CNBD1: variants seen among roughly 807,000 people sequenced by gnomAD.
CNBD1 encodes the protein cyclic nucleotide binding domain containing 1, also known as cyclic nucleotide-binding domain-containing protein 1.
Under a neutral mutation model 54.4 loss-of-function variants are expected in CNBD1, and 71 were observed. The ratio of observed to expected loss-of-function variants is 1.30; its 90% confidence interval spans 1.08 to 1.59. The LOEUF is 1.59. Among genes scored for constraint, CNBD1 ranks in the 40% most tolerant of loss-of-function variants. The probability of loss-of-function intolerance (pLI) is 0.00; values close to 1 mark genes in which losing one functional copy is unlikely to be tolerated. For synonymous variants in CNBD1, 182 were observed against 170.7 expected, an observed-to-expected ratio of 1.07 and a Z score of -0.51; for missense variants, 659 against 518.0, an observed-to-expected ratio of 1.27 and a Z score of -2.64.
chr8:86,928,660 T>G (rs1051608807), intron 3 of CNBD1, among the ~76,000 whole-genome samples: 2 of 152,218 alleles, frequency 1.3e-5, no homozygotes, highest in Non-Finnish European at 2.9e-5. Flanking sequence ...CCCCTTGACT[T>G]AGGCATATGG....
chr8:87,055,627 G>A (rs1810397856), intron 4 of CNBD1, among the ~76,000 whole-genome samples: 3 of 152,186 alleles, frequency 2.0e-5, no homozygotes, highest in Admixed American at 2.0e-4. Context: ...ATTTTTGCCT[G>A]TAGCTGTGAT....
Position 87,425,595 on chromosome 8 carries a change from G to C in CNBD1, c.214-2951G>C, listed in dbSNP as rs1373854348. On this transcript the variant is annotated intron_variant, in intron 2 of 7. Coordinates refer to the CNBD1 transcript ENST00000521593. The stretch of plus-strand genomic sequence containing the variant: ...ACCCTGCAGTGTGAGGTGTCAGTGT[G>C]CCCCTGCTGGAGGGTGCCTCCCAGT... Among the ~76,000 whole-genome samples the C allele has an allele frequency of 2.6e-5, 4 of 152,074 alleles. No homozygotes were observed. In the East Asian group the frequency reaches 7.7e-4, roughly 29 times the overall value.
chr8:87,362,107 CT>C (rs767854080), intron 10 of CNBD1, among the ~76,000 whole-genome samples: 1 of 152,030 alleles, frequency 6.6e-6, no homozygotes, highest in Non-Finnish European at 1.5e-5. Flanking sequence ...CAATGACACT[CT>C]TTAGGTTACT....
chr8:87,273,632 C>T (rs1484833969), intron 6 of CNBD1, among the ~76,000 whole-genome samples: 1 of 151,950 alleles, frequency 6.6e-6, no homozygotes, highest in Non-Finnish European at 1.5e-5. Context: ...CTTGTTTTCT[C>T]TAAGTTCTCC....
chr8:87,237,733 A>G (rs1256085567), intron 6 of CNBD1, among the ~76,000 whole-genome samples: 2 of 152,174 alleles, frequency 1.3e-5, no homozygotes, highest in Non-Finnish European at 2.9e-5. Flanking sequence ...CAAGATGTTC[A>G]GAGTAGAAAA....
At chr8:87,419,451 A>G (rs546368445) in intron 2 of CNBD1, among the ~76,000 whole-genome samples, 2 of 151,914 alleles carry the variant, frequency 1.3e-5, no homozygotes, top group South Asian at 4.1e-4. Flanking sequence ...TTGTGTGTAT[A>G]TCTTAATAAA....
chr8:86,966,786 G>A (rs1313427570), intron 4 of CNBD1, among the ~76,000 whole-genome samples: 1 of 152,186 alleles, frequency 6.6e-6, no homozygotes, highest in African/African-American at 2.4e-5. Flanking sequence ...AGAGTGAGCA[G>A]CAGCAAGAGT....
chr8:86,970,080 T>C (rs1185411724), intron 4 of CNBD1, among the ~76,000 whole-genome samples: 1 of 152,140 alleles, frequency 6.6e-6, no homozygotes, highest in African/African-American at 2.4e-5. Context: ...AATTCTAGTT[T>C]GGCAGTCATT....
At position 87,217,170 on chromosome 8, in the gene CNBD1, T is replaced by G. The variant is rs556531079; in HGVS notation, c.577+11032T>G. On this transcript the variant is annotated intron_variant, in intron 5 of 10. Transcript: ENST00000518476. ...GATGATTTTTAATGGCAAAGGAAAA[T>G]AATAAATATGTGTTTATTTTAAAAC... Among the ~76,000 whole-genome samples the G allele has an allele frequency of 1.2e-4, 18 of 152,202 alleles. No homozygotes were observed. The South Asian group carries it at 2.7e-3, about 23-fold the overall frequency.
In CNBD1 at chr8:86,871,478, G is replaced by A. The variant is rs573686273; in HGVS notation, c.88+4895G>A. Among the ~76,000 whole-genome samples, 4 of 152,244 alleles carry A rather than the reference G, an allele frequency of 2.6e-5. No individual in the cohort carries two copies. The South Asian group carries it at 8.3e-4, about 31-fold the overall frequency. On this transcript the variant is annotated intron_variant, in intron 1 of 10. Transcript: ENST00000518476. Reference sequence around the variant, plus strand: ...TAACTCTACACTCAAAAGCTGTCAGGGTCCTACTCTCCTTTAAAACTTACA... The same window carrying A: ...TAACTCTACACTCAAAAGCTGTCAGAGTCCTACTCTCCTTTAAAACTTACA...
intron 4 of CNBD1, among the ~76,000 whole-genome samples, chr8:87,077,154 A>C (rs1016716651): frequency 2.0e-5 from 3 of 152,168 alleles, no homozygotes; most frequent in African/African-American, 7.2e-5. Context: ...GACCTGGCTT[A>C]AAAAGGATCT....
intron 8 of CNBD1, among the ~76,000 whole-genome samples, chr8:87,332,548 A>G (rs1809858031): frequency 6.6e-6 from 1 of 151,996 alleles, no homozygotes; most frequent in African/African-American, 2.4e-5. Context: ...TCTTGAGTTA[A>G]TTTTTGCATA....
At chr8:86,957,039 AG>A (rs1807791144) in intron 4 of CNBD1, among the ~76,000 whole-genome samples, 1 of 152,170 alleles carries the variant, frequency 6.6e-6, no homozygotes, top group South Asian at 2.1e-4. Flanking sequence ...TTTAGCATGA[AG>A]GGCTGTTGAA....
At chr8:87,371,238 A>C (rs945168092) in intron 10 of CNBD1, among the ~76,000 whole-genome samples, 22 of 151,962 alleles carry the variant, frequency 1.4e-4, no homozygotes, top group Admixed American at 1.4e-3. Flanking sequence ...TATGAACTTT[A>C]AAGTAGTTTT....
intron 1 of CNBD1, among the ~76,000 whole-genome samples, chr8:86,869,558 G>A (rs1808412007): frequency 6.6e-6 from 1 of 152,158 alleles, no homozygotes; most frequent in African/African-American, 2.4e-5. Context: ...GCTGCTTGTG[G>A]TTCTTTCTTC....
chr8:86,999,701 G>A (rs1299554646), intron 4 of CNBD1, among the ~76,000 whole-genome samples: 2 of 152,114 alleles, frequency 1.3e-5, no homozygotes, highest in African/African-American at 4.8e-5. Context: ...AACTTCAGAG[G>A]ATACATATAA....
At chr8:87,046,643 T>G (rs940649454) in intron 4 of CNBD1, among the ~76,000 whole-genome samples, 9 of 152,160 alleles carry the variant, frequency 5.9e-5, no homozygotes, top group African/African-American at 2.2e-4. Flanking sequence ...TGCATCCGCT[T>G]CATAAAGAGG....
intron 4 of CNBD1, among the ~76,000 whole-genome samples, chr8:87,095,198 C>T (rs1811293776): frequency 6.6e-6 from 1 of 152,150 alleles, no homozygotes; most frequent in South Asian, 2.1e-4. Context: ...CTACAAAGTA[C>T]AAAATGCAAA....
intron 4 of CNBD1, among the ~76,000 whole-genome samples, chr8:87,176,764 C>A (rs928400100): frequency 6.6e-5 from 10 of 151,872 alleles, no homozygotes; most frequent in African/African-American, 2.4e-4. Context: ...GCTGGGATTA[C>A]AGGCGTGAGC....
Sources: gnomAD v4.1 joint callset for allele counts (sites outside exome capture counted in the v4.1 genomes callset) on GRCh38, gnomAD v4.1.1 for gene constraint, MANE v1.5 for transcripts, NCBI Gene and HGNC (gene_info 2026-07-23, HGNC 2026-07-21) for gene names.